The following GMDS variants were observed in gnomAD, a reference collection of about 807,000 sequenced individuals.
GMDS encodes GDP-mannose 4,6 dehydratase.
In GMDS, 20 loss-of-function variants were observed where a neutral mutation model predicts 49.9. That is an observed-to-expected ratio of 0.40 (90% CI 0.28 to 0.58). The LOEUF (loss-of-function observed/expected upper bound fraction) is 0.58, where lower values mean the gene tolerates loss of function less well. Ranked by LOEUF, GMDS falls within the 20% of genes least tolerant of loss-of-function variation. The pLI, the probability that GMDS is intolerant of heterozygous loss-of-function variation, is 0.42. For missense variants in GMDS, 362 were observed against 481.4 expected (o/e 0.75, Z 2.32); for synonymous variants, 177 against 178.6 (o/e 0.99, Z 0.07).
chr6:1,966,046 T>A (rs917652384), intron 4 of GMDS, among the ~76,000 whole-genome samples: 1 of 152,206 alleles, frequency 6.6e-6, no homozygotes, highest in Non-Finnish European at 1.5e-5. Flanking sequence ...CTTCTATGCT[T>A]GTTTCCACAC....
intron 7 of GMDS, among the ~76,000 whole-genome samples, chr6:1,862,767 C>A (rs1758253484): frequency 6.6e-6 from 1 of 152,120 alleles, no homozygotes; most frequent in Non-Finnish European, 1.5e-5. Flanking sequence ...TGCCGGTGAT[C>A]TACATTCTTC....
At chr6:1,821,369 G>C (rs1311215162) in intron 7 of GMDS, among the ~76,000 whole-genome samples, 1 of 152,004 alleles carries the variant, frequency 6.6e-6, no homozygotes, top group Admixed American at 6.6e-5. Flanking sequence ...GCCGCGGCTG[G>C]TGGGTGGGGA....
chr6:1,727,261 C>T (rs969880600), intron 8 of GMDS, among the ~76,000 whole-genome samples: 3 of 152,190 alleles, frequency 2.0e-5, no homozygotes, highest in African/African-American at 7.2e-5. Flanking sequence ...TCCTCAAGTC[C>T]ACACTATGCA....
chr6:1,882,913 G>A (rs183557865), intron 7 of GMDS, among the ~76,000 whole-genome samples: 5 of 152,116 alleles, frequency 3.3e-5, no homozygotes, highest in South Asian at 4.1e-4. Flanking sequence ...TCTCTATCAC[G>A]AGTGATTGTT....
At chr6:2,190,148 T>C (rs909352350) in intron 1 of GMDS, among the ~76,000 whole-genome samples, 13 of 152,198 alleles carry the variant, frequency 8.5e-5, no homozygotes, top group Non-Finnish European at 4.4e-5. Context: ...TTATATTTTA[T>C]TTCTGAAAAT....
At chr6:2,240,431 A>G (rs1233181708) in intron 1 of GMDS, among the ~76,000 whole-genome samples, 1 of 152,144 alleles carries the variant, frequency 6.6e-6, no homozygotes, top group Non-Finnish European at 1.5e-5. Context: ...TAAGTGACTT[A>G]CCCAAAGCCA....
intron 4 of GMDS, among the ~76,000 whole-genome samples, chr6:1,984,240 G>C (rs919468169): frequency 7.2e-5 from 11 of 152,120 alleles, no homozygotes; most frequent in African/African-American, 2.4e-4. Flanking sequence ...AATGAGAGGA[G>C]GGAGAGCATC....
At chr6:1,851,217 G>C (rs1335700878) in intron 7 of GMDS, among the ~76,000 whole-genome samples, 1 of 152,196 alleles carries the variant, frequency 6.6e-6, no homozygotes, top group Non-Finnish European at 1.5e-5. Flanking sequence ...AAGACATTTA[G>C]AAAACTTGTA....
intron 4 of GMDS, among the ~76,000 whole-genome samples, chr6:1,980,306 A>G (rs1166093817): frequency 6.6e-6 from 1 of 152,210 alleles, no homozygotes; most frequent in Non-Finnish European, 1.5e-5. Context: ...CTCATCTCAC[A>G]TGCAAGGACA....
chr6:1,959,245 C>CATACA (rs1472055081), intron 6 of GMDS, among the ~76,000 whole-genome samples: 1 of 152,136 alleles, frequency 6.6e-6, no homozygotes, highest in Non-Finnish European at 1.5e-5. Context: ...CTAACACAAA[C>CATACA]ATACAATAAA....
intron 9 of GMDS, among the ~76,000 whole-genome samples, chr6:1,704,121 G>A (rs541999693): frequency 1.2e-4 from 19 of 152,256 alleles, no homozygotes; most frequent in South Asian, 4.2e-4. Flanking sequence ...ACAAGTTAAC[G>A]TTTTTGCTAA....
chr6:2,042,408 C>T (rs1769738831), intron 4 of GMDS, among the ~76,000 whole-genome samples: 1 of 152,122 alleles, frequency 6.6e-6, no homozygotes, highest in Non-Finnish European at 1.5e-5. Flanking sequence ...TTCCTCCCAA[C>T]CCCACCTGCA....
chr6:2,157,079 C>T lies in GMDS; in HGVS notation c.103-32348G>A, dbSNP rs115362192. On this transcript the variant is annotated intron_variant, in intron 1 of 10. Coordinates refer to ENST00000380815, the MANE Select transcript of GMDS (RefSeq NM_001500.4). The stretch of plus-strand genomic sequence containing the variant: ...AAAAAGTACTGCAGTGACTGACAGA[C>T]TCACTAAAAACTCCATTTATAACTG... Among the ~76,000 whole-genome samples the T allele has an allele frequency of 7.9e-3, 1,202 of 152,288 alleles. 8 individuals carry two copies. Among genetic ancestry groups the T allele is most frequent in the Non-Finnish European group, 0.013 (886 of 68,024 alleles).
At chr6:2,206,328 T>C (rs1208332504) in intron 1 of GMDS, among the ~76,000 whole-genome samples, 6 of 151,764 alleles carry the variant, frequency 4.0e-5, no homozygotes, top group Non-Finnish European at 5.9e-5. Context: ...GTTGTTATCT[T>C]TAATATCGGA....
At chr6:1,845,499 T>C (rs1284825627) in intron 7 of GMDS, among the ~76,000 whole-genome samples, 1 of 152,240 alleles carries the variant, frequency 6.6e-6, no homozygotes, top group Non-Finnish European at 1.5e-5. Context: ...AAACATTAAA[T>C]GAATATCTAG....
intron 8 of GMDS, among the ~76,000 whole-genome samples, chr6:1,734,357 T>C (rs1164958533): frequency 1.3e-5 from 2 of 152,250 alleles, no homozygotes; most frequent in African/African-American, 4.8e-5. Context: ...ATCTATTCTG[T>C]GATTTCTCTA....
intron 4 of GMDS, among the ~76,000 whole-genome samples, chr6:1,974,013 G>GTCACAAAACAAGAGAGGCCAAAGCAACA (rs1764759569): frequency 6.6e-6 from 1 of 152,144 alleles, no homozygotes; most frequent in Non-Finnish European, 1.5e-5. Flanking sequence ...GTCTTTGTAA[G>GTCACAAAACAAGAGAGGCCAAAGCAACA]TCACAAAACA....
At position 1,865,621 on chromosome 6, in the gene GMDS, TAAAAAAGA is replaced by T. The variant is rs1758405498; in HGVS notation, c.771+64474_771+64481del. ...CAAGGAGACCTCAGAATGCTTAGGT[TAAAAAAGA>T]AAAAAAGAACGAAAGGAAAAAAGAT... On this transcript the variant is annotated intron_variant, in intron 7 of 10. Transcript: ENST00000380815. Among the ~76,000 whole-genome samples, 5 of 151,988 alleles carry T rather than the reference TAAAAAAGA, an allele frequency of 3.3e-5. No individual in the cohort carries two copies. The South Asian group carries it at 1.0e-3, about 32-fold the overall frequency.
intron 1 of GMDS, among the ~76,000 whole-genome samples, chr6:2,161,261 G>A (rs545494124): frequency 2.6e-5 from 4 of 152,098 alleles, no homozygotes; most frequent in South Asian, 2.1e-4. Context: ...CGCCTGCCTC[G>A]GCCTCCCAAA....
Sources: allele counts gnomAD v4.1 joint callset (sites outside exome capture counted in the v4.1 genomes callset), GRCh38; gene constraint gnomAD v4.1.1; transcripts MANE v1.5; gene names NCBI Gene and HGNC (gene_info 2026-07-23, HGNC 2026-07-21).